FMN2: variants seen among roughly 807,000 people sequenced by gnomAD.
The protein encoded by FMN2 is formin 2.
A neutral mutation model predicts 142.3 loss-of-function variants in FMN2; 51 were observed. That is an observed-to-expected ratio of 0.36 (90% confidence interval 0.29 to 0.45). The LOEUF (loss-of-function observed/expected upper bound fraction) is 0.45, where lower values mean the gene tolerates loss of function less well. FMN2 is among the 20% of genes least tolerant of loss of function. The pLI is 1.00. For synonymous variants in FMN2, 882 were observed against 869.8 expected (o/e 1.01, Z -0.25); for missense variants, 1,936 against 2,122.8 (o/e 0.91, Z 1.73).
At chr1:240,121,609 T>A (rs1662252155) in intron 1 of FMN2, among the ~76,000 whole-genome samples, 1 of 151,176 alleles carries the variant, frequency 6.6e-6, no homozygotes, top group African/African-American at 2.4e-5. Context: ...CAGGATGGTC[T>A]TGATCTCCTG....
At chr1:240,192,289 A>G (rs2103354995) in intron 4 of FMN2, among the ~76,000 whole-genome samples, 1 of 152,344 alleles carries the variant, frequency 6.6e-6, no homozygotes, top group African/African-American at 2.4e-5. Context: ...TTGGTTACTC[A>G]GAAACAAAGT....
At chr1:240,195,038 G>A (rs1572045837) in intron 4 of FMN2, among the ~76,000 whole-genome samples, 2 of 152,066 alleles carry the variant, frequency 1.3e-5, no homozygotes, top group Non-Finnish European at 2.9e-5. Flanking sequence ...CATTATTGTT[G>A]TTATAGTTGA....
At chr1:240,221,450 G>T (rs1254050719) in intron 6 of FMN2, among the ~76,000 whole-genome samples, 1 of 152,038 alleles carries the variant, frequency 6.6e-6, no homozygotes, top group South Asian at 2.1e-4. Flanking sequence ...TTTTTGATTT[G>T]CATTTCTCTA....
At chr1:240,291,234 CA>C (rs958247117) in intron 7 of FMN2, among the ~76,000 whole-genome samples, 4 of 152,054 alleles carry the variant, frequency 2.6e-5, no homozygotes, top group African/African-American at 4.8e-5. Flanking sequence ...TTTTAATGTG[CA>C]AAAAAGGTCT....
In FMN2 at chr1:240,093,585, C is replaced by T. The variant is rs1297823276; in HGVS notation, c.1476C>T (p.Arg492=). ...SADWTEELGA[R]TPRVGGSAHL... ...ACTGGACGGAGGAGCTAGGCGCCCG[C>T]ACGCCCCGGGTGGGAGGCTCCGCGC... is the stretch of plus-strand genomic sequence containing the variant. Residue 492 remains arginine, a synonymous_variant, in exon 1 of 18, where the codon CGC becomes CGT. Coordinates refer to ENST00000319653, the MANE Select transcript of FMN2 (RefSeq NM_020066.5). 1 of 1,448,144 alleles carries T rather than the reference C, an allele frequency of 6.9e-7. No individual in the cohort carries two copies. The highest frequency in any genetic ancestry group is 9.0e-7 in the Non-Finnish European group (1 of 1,110,812). The allele number at this position is 1,448,144 out of a possible 1,614,324, so 89.7% of individuals were successfully genotyped here. A position where few individuals can be genotyped will look rare whatever the true frequency, so the allele number is the denominator to read the frequency against.
chr1:240,446,958 G>A (rs933565313), intron 16 of FMN2, among the ~76,000 whole-genome samples: 2 of 152,074 alleles, frequency 1.3e-5, no homozygotes, highest in African/African-American at 4.8e-5. Flanking sequence ...AAAAATGGAA[G>A]GTGTTTCTTC....
At position 240,472,395 on chromosome 1, in the gene FMN2, G is replaced by C; in HGVS notation, c.5084G>C (p.Cys1695Ser). 6.2e-7 allele frequency: 1 copy of C among 1,612,380 alleles called. No homozygotes were observed. Among genetic ancestry groups the C allele is most frequent in the Non-Finnish European group, 8.5e-7 (1 of 1,179,410 alleles). Reference sequence around the variant, plus strand: ...AGAGTAAAAGAAGCCGAAGAGGTGTGTAGACAGAAGAAAGGAAAATCACTT... The same window carrying C: ...AGAGTAAAAGAAGCCGAAGAGGTGTCTAGACAGAAGAAAGGAAAATCACTT... ...QERVKEAEEV[C>S]RQKKGKSLYK... The change falls in exon 17 of 18, where the codon TGT (cysteine) becomes TCT (serine). Residue 1695 changes from cysteine (C) to serine (S), a missense_variant. Cys to Ser is a moderately radical substitution (Grantham distance 112). Around this residue, in one of 8 missense-constraint regions of FMN2, gnomAD observed 322 missense variants for 401.6 expected, o/e 0.80. Transcript: ENST00000319653.
At chr1:240,367,283 T>C (rs924267485) in intron 14 of FMN2, among the ~76,000 whole-genome samples, 7 of 152,224 alleles carry the variant, frequency 4.6e-5, no homozygotes, top group African/African-American at 1.7e-4. Flanking sequence ...CTTTTACTTA[T>C]TGAGTTATTA....
At chr1:240,416,824 C>T (rs1018735045) in intron 15 of FMN2, among the ~76,000 whole-genome samples, 1 of 150,324 alleles carries the variant, frequency 6.7e-6, no homozygotes, top group Admixed American at 6.6e-5. Context: ...CTTTAATATT[C>T]TCTTATTTCT....
At chr1:240,332,780 T>G (rs911201241) in intron 11 of FMN2, among the ~76,000 whole-genome samples, 1 of 152,226 alleles carries the variant, frequency 6.6e-6, no homozygotes, top group African/African-American at 2.4e-5. Context: ...TCCTTAGTAC[T>G]ATTTATAGAC....
chr1:240,253,884 T>TAA (rs1329771017), intron 6 of FMN2, among the ~76,000 whole-genome samples: 2 of 152,168 alleles, frequency 1.3e-5, no homozygotes, highest in Non-Finnish European at 2.9e-5. Context: ...TGCTTGTAAT[T>TAA]TCCTCAGTGG....
intron 6 of FMN2, among the ~76,000 whole-genome samples, chr1:240,228,086 CTG>C (rs1667381192): frequency 6.6e-6 from 1 of 151,586 alleles, no homozygotes; most frequent in African/African-American, 2.4e-5. Flanking sequence ...GGTGGATCAC[CTG>C]AGGTCGGGAG....
intron 14 of FMN2, among the ~76,000 whole-genome samples, chr1:240,370,435 A>G (rs1672825187): frequency 6.6e-6 from 1 of 152,066 alleles, no homozygotes; most frequent in South Asian, 2.1e-4. Flanking sequence ...TTCTCTACTT[A>G]CCCACCTTTT....
chr1:240,186,877 A>T (rs9970852), intron 3 of FMN2, among the ~76,000 whole-genome samples: 81,522 of 151,912 alleles, frequency 0.54, 22,065 homozygotes, highest in Middle Eastern at 0.66. Context: ...CAGTATGTTA[A>T]GCTGTTTAAA....
intron 7 of FMN2, among the ~76,000 whole-genome samples, chr1:240,259,085 A>C (rs1436769638): frequency 6.6e-6 from 1 of 152,176 alleles, no homozygotes; most frequent in African/African-American, 2.4e-5. Context: ...AATTGTTTTG[A>C]TGGGGAGGAG....
At chr1:240,445,131 G>A (rs952121347) in intron 16 of FMN2, among the ~76,000 whole-genome samples, 17 of 152,214 alleles carry the variant, frequency 1.1e-4, no homozygotes, top group African/African-American at 3.6e-4. Flanking sequence ...GCCAATGGAG[G>A]CCGAGGGTGT....
At chr1:240,403,119 A>G (rs1428145588) in intron 15 of FMN2, among the ~76,000 whole-genome samples, 2 of 152,224 alleles carry the variant, frequency 1.3e-5, no homozygotes, top group Non-Finnish European at 2.9e-5. Flanking sequence ...TACCCTTGTT[A>G]GTCAGTTGAA....
intron 2 of FMN2, among the ~76,000 whole-genome samples, chr1:240,132,357 C>G (rs1299975077): frequency 6.6e-6 from 1 of 152,034 alleles, no homozygotes; most frequent in African/African-American, 2.4e-5. Context: ...GATTAAAGTT[C>G]TTAAGGACAG....
chr1:240,092,897 C>A lies in FMN2; in HGVS notation c.788C>A (p.Ala263Asp), dbSNP rs1455496927. The A allele has an allele frequency of 6.6e-7, 1 of 1,505,956 alleles. No homozygotes were observed. Among genetic ancestry groups the A allele is most frequent in the Non-Finnish European group, 8.8e-7 (1 of 1,135,100 alleles). The allele number at this position is 1,505,956 out of a possible 1,614,324, so 93.3% of individuals were successfully genotyped here. A position where few individuals can be genotyped will look rare whatever the true frequency, so the allele number is the denominator to read the frequency against. The change falls in exon 1 of 18, where the codon GCC becomes GAC. Residue 263 changes from alanine to aspartate, a missense_variant. Around this residue, in one of 8 missense-constraint regions of FMN2, gnomAD observed 751 missense variants for 791.8 expected, o/e 0.95. Coordinates refer to ENST00000319653, the MANE Select transcript of FMN2 (RefSeq NM_020066.5). ...GGGCCGAGCGGCGGGGCTGGGGAGG[C>A]CCCGGGCAGTCCGGACACCGAGCAG... ...LLGPSGGAGEAPGSPDTEQAL... is the reference protein window; with the variant it reads ...LLGPSGGAGEDPGSPDTEQAL...
Sources: allele counts gnomAD v4.1 joint callset (sites outside exome capture counted in the v4.1 genomes callset), GRCh38; gene constraint gnomAD v4.1.1; regional missense constraint gnomAD v4.1.1; transcripts MANE v1.5; gene names NCBI Gene and HGNC (gene_info 2026-07-23, HGNC 2026-07-21).